PRKAG2: variants seen among roughly 807,000 people sequenced by gnomAD.
The protein encoded by PRKAG2 is protein kinase AMP-activated non-catalytic subunit gamma 2.
A neutral mutation model predicts 69.6 loss-of-function variants in PRKAG2; 26 were observed. The observed-to-expected ratio is 0.37, with a 90% CI of 0.27 to 0.52. The LOEUF is 0.52. PRKAG2 is among the 20% of genes least tolerant of loss of function. PRKAG2 has a pLI of 0.90. For missense variants in PRKAG2, 557 were observed against 740.0 expected (o/e 0.75, Z 2.87); for synonymous variants, 293 against 285.0 (o/e 1.03, Z -0.28).
chr7:151,669,037 G>A (rs969755632), intron 4 of PRKAG2, among the ~76,000 whole-genome samples: 1 of 152,296 alleles, frequency 6.6e-6, no homozygotes, highest in East Asian at 1.9e-4. Flanking sequence ...CGTCTCCATC[G>A]CAAGTGCTTG....
chr7:151,867,185 C>T (rs2080101039), intron 1 of PRKAG2, among the ~76,000 whole-genome samples: 1 of 152,230 alleles, frequency 6.6e-6, no homozygotes, highest in African/African-American at 2.4e-5. Flanking sequence ...GTGCAAGCCC[C>T]TGCCCTACAG....
chr7:151,638,019 C>G lies in PRKAG2; in HGVS notation c.685-5881G>C, dbSNP rs1826032891. Among the ~76,000 whole-genome samples the G allele has an allele frequency of 6.6e-6, 1 of 152,140 alleles. No individual in the cohort carries two copies. Among genetic ancestry groups the G allele is most frequent in the Admixed American group, 6.5e-5 (1 of 15,276 alleles). ...GGGCGTGCACTTGTGACACCGACTC[C>G]TCTCTCAGTCCATCAGCATCAGGGA... On this transcript the variant is annotated intron_variant, in intron 4 of 15. Coordinates refer to ENST00000287878, the MANE Select transcript of PRKAG2 (RefSeq NM_016203.4). This position sits in a 1 kb window ranked among gnomAD's most constrained non-coding sequence, Gnocchi z 4.3.
rs80100030 is a variant in PRKAG2, at chr7:151,598,160, C to T, written c.755-2706G>A. Among the ~76,000 whole-genome samples the T allele has an allele frequency of 4.2e-3, 641 of 152,262 alleles. 5 individuals are homozygous for T. Among genetic ancestry groups the T allele is most frequent in the African/African-American group, 0.014 (591 of 41,562 alleles). ...AATGAAATCCTGACATCTGTGAGCA[C>T]AGGATGAACCTAGAGGACACTGTGT... is the stretch of plus-strand genomic sequence containing the variant. On this transcript the variant is annotated intron_variant, in intron 5 of 15. Coordinates refer to ENST00000287878, the MANE Select transcript of PRKAG2 (RefSeq NM_016203.4).
chr7:151,848,702 C>T (rs2079498549), intron 1 of PRKAG2, among the ~76,000 whole-genome samples: 1 of 151,596 alleles, frequency 6.6e-6, no homozygotes, highest in African/African-American at 2.4e-5. Context: ...TTTTCATATT[C>T]TTAGCAGAGA....
At chr7:151,617,283 A>AAGAGG (rs1820392806) in intron 5 of PRKAG2, among the ~76,000 whole-genome samples, 3 of 6,046 alleles carry the variant, frequency 5.0e-4, no homozygotes, top group African/African-American at 2.0e-3. Flanking sequence ...AGGGAGGGAA[A>AAGAGG]GAGGGAGGGG....
rs903341757 is a variant in PRKAG2 at position 151,638,445 on chromosome 7, C to T, written c.685-6307G>A. ...GTCAGGAGATCGAGACCATCCTGGC[C>T]AACATGGTGAAAACCCCGTCTCTAC... On this transcript the variant is annotated intron_variant, in intron 4 of 15. Transcript: ENST00000287878. This position sits in a 1 kb window ranked among gnomAD's most constrained non-coding sequence, Gnocchi z 4.3. Among the ~76,000 whole-genome samples the T allele has an allele frequency of 2.0e-5, 3 of 152,114 alleles. No homozygotes were observed. Among genetic ancestry groups the T allele is most frequent in the Admixed American group, 6.6e-5 (1 of 15,264 alleles).
chr7:151,806,168 G>C (rs1027714902), intron 1 of PRKAG2, among the ~76,000 whole-genome samples: 1 of 152,220 alleles, frequency 6.6e-6, no homozygotes, highest in Admixed American at 6.5e-5. Flanking sequence ...CAGCTTGGGC[G>C]ACAGAGCGAG....
intron 1 of PRKAG2, among the ~76,000 whole-genome samples, chr7:151,829,396 A>G (rs993348339): frequency 1.3e-5 from 2 of 152,210 alleles, no homozygotes; most frequent in African/African-American, 2.4e-5. Context: ...AGAAATTGCA[A>G]TCCTCATATT....
intron 3 of PRKAG2, among the ~76,000 whole-genome samples, chr7:151,749,743 C>T (rs1005229260): frequency 1.1e-4 from 16 of 142,984 alleles, no homozygotes; most frequent in Non-Finnish European, 2.4e-4. Context: ...CAAATCAAAA[C>T]AGCAATGGTA....
At chr7:151,852,501 A>C (rs991544265) in intron 1 of PRKAG2, among the ~76,000 whole-genome samples, 2 of 152,102 alleles carry the variant, frequency 1.3e-5, no homozygotes, top group Admixed American at 6.5e-5. Flanking sequence ...TCTCAAAAAA[A>C]GAAAGTAAAC....
chr7:151,582,348 C>T (rs541437515), intron 6 of PRKAG2, among the ~76,000 whole-genome samples: 11 of 151,922 alleles, frequency 7.2e-5, no homozygotes, highest in South Asian at 2.1e-4. Context: ...AGACAGGGTC[C>T]GGTTATGTTG....
intron 5 of PRKAG2, among the ~76,000 whole-genome samples, chr7:151,624,144 G>A (rs1212588270): frequency 1.8e-5 from 2 of 111,002 alleles, no homozygotes; most frequent in African/African-American, 7.4e-5. Flanking sequence ...CAGCGTGTGT[G>A]TGTGTGTGTG....
intron 3 of PRKAG2, among the ~76,000 whole-genome samples, chr7:151,681,583 C>CTT (rs962361870): frequency 6.6e-5 from 10 of 151,406 alleles, no homozygotes; most frequent in African/African-American, 2.4e-4. Context: ...AGCATCAACA[C>CTT]TTTTTTTTTG....
intron 5 of PRKAG2, among the ~76,000 whole-genome samples, chr7:151,599,498 T>C (rs1040829278): frequency 2.6e-5 from 4 of 152,216 alleles, no homozygotes; most frequent in African/African-American, 4.8e-5. Context: ...GGCAAAACCC[T>C]TGAAGTCACC....
At chr7:151,718,880 T>A (rs1332283061) in intron 3 of PRKAG2, among the ~76,000 whole-genome samples, 1 of 152,054 alleles carries the variant, frequency 6.6e-6, no homozygotes, top group African/African-American at 2.4e-5. Context: ...GTTCAAGAAC[T>A]GGCTTCATCT....
chr7:151,775,503 A>G (rs1413059822), intron 3 of PRKAG2, among the ~76,000 whole-genome samples: 3 of 152,006 alleles, frequency 2.0e-5, no homozygotes, highest in East Asian at 1.9e-4. Context: ...CTTCCAACAC[A>G]TTGTTTGCTT....
At chr7:151,841,358 A>G (rs2079274749) in intron 1 of PRKAG2, among the ~76,000 whole-genome samples, 1 of 151,948 alleles carries the variant, frequency 6.6e-6, no homozygotes, top group South Asian at 2.1e-4. Flanking sequence ...AATGATAGTG[A>G]TGGTAGGTAG....
At chr7:151,697,118 C>T (rs907838987) in intron 3 of PRKAG2, among the ~76,000 whole-genome samples, 18 of 152,130 alleles carry the variant, frequency 1.2e-4, no homozygotes, top group African/African-American at 4.1e-4. Context: ...GGAGCATCCC[C>T]GGGGAGAGAG....
At chr7:151,665,973 T>A (rs1830991063) in intron 4 of PRKAG2, among the ~76,000 whole-genome samples, 1 of 152,198 alleles carries the variant, frequency 6.6e-6, no homozygotes, top group African/African-American at 2.4e-5. Flanking sequence ...ACTAGGGGTC[T>A]TGGAGACTGA....
Sources: gnomAD v4.1 joint callset for allele counts (sites outside exome capture counted in the v4.1 genomes callset) on GRCh38, gnomAD v4.1.1 for gene constraint, Gnocchi (gnomAD v3.1) non-coding constraint, MANE v1.5 for transcripts, NCBI Gene and HGNC (gene_info 2026-07-23, HGNC 2026-07-21) for gene names.